Variants in GCA observed in about 807,000 individuals in gnomAD.
GCA encodes the protein grancalcin.
In GCA, 30 loss-of-function variants were observed where a neutral mutation model predicts 32.6. The observed-to-expected ratio is 0.92, with a 90% confidence interval of 0.69 to 1.25. The LOEUF is 1.25. GCA is among the 50% of genes most tolerant of loss of function. GCA has a pLI of 0.00. For synonymous variants in GCA, 102 were observed against 84.6 expected, an observed-to-expected ratio of 1.21 and a Z score of -1.13; for missense variants, 291 against 266.8, an observed-to-expected ratio of 1.09 and a Z score of -0.63.
At chr2:162,341,888 A>G (rs887536127), upstream of GCA, among the ~76,000 whole-genome samples, 1 of 152,224 alleles carries the variant, frequency 6.6e-6, no homozygotes, top group Non-Finnish European at 1.5e-5. Context: ...GTAAAGTGGG[A>G]ATAATAACAT....
intron 5 of GCA, among the ~76,000 whole-genome samples, chr2:162,358,163 T>C (rs1009281588): frequency 1.1e-4 from 16 of 151,554 alleles, no homozygotes; most frequent in African/African-American, 3.4e-4. Flanking sequence ...AATCCAGTAA[T>C]GTATGGGCAA....
At chr2:162,321,906 A>AG (rs1683683896) in intron 1 of GCA, among the ~76,000 whole-genome samples, 1 of 105,538 alleles carries the variant, frequency 9.5e-6, no homozygotes, top group African/African-American at 4.2e-5. Flanking sequence ...ATATATATAT[A>AG]TATATATATA....
At chr2:162,324,437 C>G (rs1213693346) in intron 1 of GCA, among the ~76,000 whole-genome samples, 1 of 152,216 alleles carries the variant, frequency 6.6e-6, no homozygotes, top group African/African-American at 2.4e-5. Flanking sequence ...CTGCGACGTT[C>G]TACTTCTGCC....
chr2:162,371,894 G>A (rs370636080), downstream of GCA: 97 of 1,613,688 alleles, frequency 6.0e-5, no homozygotes, highest in Non-Finnish European at 7.8e-5. Flanking sequence ...ACAGTGCTTA[G>A]GGATGAATCT....
downstream of GCA, among the ~76,000 whole-genome samples, chr2:162,364,071 A>G (rs1304915700): frequency 6.6e-6 from 1 of 151,480 alleles, no homozygotes; most frequent in African/African-American, 2.4e-5. Context: ...ATTTAATAGC[A>G]ATATTTGGGA....
chr2:162,362,627 A>G lies in GCA; in HGVS notation c.*2384A>G. 1 of 872,706 alleles carries G rather than the reference A, an allele frequency of 1.1e-6. No homozygotes were observed. 54.1% of individuals were successfully genotyped at this position (872,706 alleles called of 1,614,324 possible). A position where few individuals can be genotyped will look rare whatever the true frequency, so the allele number is the denominator to read the frequency against. On this transcript the variant is annotated 3_prime_UTR_variant, in exon 8 of 8. Transcript: ENST00000437150. ...GAATTTTTTTAATAAACATTCAAAT[A>G]GCTTGCTGTAAAGTTTTGTATCATA...
At chr2:162,329,592 C>G (rs1216640465) in intron 1 of GCA, among the ~76,000 whole-genome samples, 3 of 150,680 alleles carry the variant, frequency 2.0e-5, no homozygotes, top group African/African-American at 7.3e-5. Flanking sequence ...AAATGAATAC[C>G]CATATATTTA....
intron 3 of GCA, 21 bp downstream of exon 3, chr2:162,352,428 T>C (rs376813504): frequency 2.9e-5 from 40 of 1,374,120 alleles, no homozygotes; most frequent in Non-Finnish European, 3.9e-5. Context: ...TTTTCCCCTT[T>C]TGTTGAAATT....
downstream of GCA, among the ~76,000 whole-genome samples, chr2:162,364,176 G>A (rs953113575): frequency 4.6e-5 from 7 of 151,378 alleles, no homozygotes; most frequent in Non-Finnish European, 7.4e-5. Flanking sequence ...GTACAGATAC[G>A]TACATACAGA....
intron 2 of GCA, among the ~76,000 whole-genome samples, chr2:162,349,352 T>A (rs1241117449): frequency 3.9e-5 from 6 of 152,182 alleles, no homozygotes; most frequent in African/African-American, 1.4e-4. Context: ...TTATCTCCTG[T>A]TGTTGAAATA....
At chr2:162,321,473 AG>A (rs1215084674) in intron 1 of GCA, among the ~76,000 whole-genome samples, 1 of 152,094 alleles carries the variant, frequency 6.6e-6, no homozygotes, top group African/African-American at 2.4e-5. Flanking sequence ...TAGTTTAGTG[AG>A]AAACCCTGGA....
chr2:162,323,719 A>C (rs1168179444), intron 1 of GCA, among the ~76,000 whole-genome samples: 1 of 151,750 alleles, frequency 6.6e-6, no homozygotes, highest in African/African-American at 2.4e-5. Context: ...AGATAGTTGT[A>C]GATATGTGGC....
chr2:162,332,523 G>A (rs1684132394), intron 1 of GCA, among the ~76,000 whole-genome samples: 1 of 151,794 alleles, frequency 6.6e-6, no homozygotes, highest in Non-Finnish European at 1.5e-5. Flanking sequence ...TGGAGACAAA[G>A]TAACAAGTGC....
At chr2:162,346,006 G>T (rs1241213194) in intron 1 of GCA, among the ~76,000 whole-genome samples, 2 of 152,052 alleles carry the variant, frequency 1.3e-5, no homozygotes, top group African/African-American at 4.8e-5. Flanking sequence ...ATTTCCAATA[G>T]ATTTTTACTT....
chr2:162,338,781 A>G (rs1330987321), intron 1 of GCA, among the ~76,000 whole-genome samples: 1 of 152,192 alleles, frequency 6.6e-6, no homozygotes, highest in Non-Finnish European at 1.5e-5. Context: ...CTTATTCAGC[A>G]TTAGTTGTGG....
intron 4 of GCA, among the ~76,000 whole-genome samples, chr2:162,369,020 G>T (rs1685841241): frequency 6.6e-6 from 1 of 152,142 alleles, no homozygotes; most frequent in Non-Finnish European, 1.5e-5. Context: ...TAGGCCAGGG[G>T]ACCAGGTAAC....
upstream of GCA, among the ~76,000 whole-genome samples, chr2:162,341,762 G>A (rs1055808524): frequency 5.3e-5 from 8 of 152,078 alleles, no homozygotes; most frequent in African/African-American, 1.7e-4. Flanking sequence ...AGAGAAAAGG[G>A]GACATACAAT....
At chr2:162,338,901 A>G (rs1451890344) in intron 1 of GCA, among the ~76,000 whole-genome samples, 9 of 152,232 alleles carry the variant, frequency 5.9e-5, no homozygotes, top group African/African-American at 2.2e-4. Context: ...GTATATATGC[A>G]GAAAGTATAC....
intron 1 of GCA, among the ~76,000 whole-genome samples, chr2:162,328,415 C>T (rs1032088333): frequency 1.3e-5 from 2 of 151,852 alleles, no homozygotes; most frequent in African/African-American, 4.8e-5. Context: ...AACAGAGCCT[C>T]TTACTCATAG....
Sources: allele counts gnomAD v4.1 joint callset (sites outside exome capture counted in the v4.1 genomes callset), GRCh38; gene constraint gnomAD v4.1.1; transcripts MANE v1.5; gene names NCBI Gene and HGNC (gene_info 2026-07-23, HGNC 2026-07-21).